Variants in NAV2 observed in about 807,000 individuals in gnomAD.
NAV2 encodes the protein neuron navigator 2, also known as helicase, APC down-regulated 1.
NAV2 carries 54 observed loss-of-function variants against 223.2 expected under a neutral mutation model. That is an observed-to-expected ratio of 0.24 (90% confidence interval 0.19 to 0.30). The LOEUF (loss-of-function observed/expected upper bound fraction) is 0.30, where lower values mean the gene tolerates loss of function less well. Ranked by LOEUF, NAV2 falls within the 10% of genes least tolerant of loss-of-function variation. NAV2 has a pLI of 1.00. For synonymous variants in NAV2, 1,279 were observed against 1,239.3 expected, an observed-to-expected ratio of 1.03 and a Z score of -0.67; for missense variants, 2,806 against 3,147.5, an observed-to-expected ratio of 0.89 and a Z score of 2.60.
intron 1 of NAV2, among the ~76,000 whole-genome samples, chr11:19,816,924 C>G (rs999244082): frequency 2.0e-5 from 3 of 152,090 alleles, no homozygotes; most frequent in Admixed American, 6.6e-5. Context: ...TCTGTGCCTT[C>G]GGTCACAGCC....
chr11:19,973,438 A>C (rs897743905), intron 10 of NAV2, among the ~76,000 whole-genome samples: 3 of 152,184 alleles, frequency 2.0e-5, no homozygotes. Context: ...GATGATTGGC[A>C]GGTGTGTTTC....
chr11:19,350,870 G>A lies in NAV2; in HGVS notation c.-83G>A. 3.0e-6 allele frequency: 4 copies of A among 1,344,640 alleles called. No homozygotes were observed. In the South Asian group the frequency reaches 3.8e-5, roughly 13 times the overall value. The allele number at this position is 1,344,640 out of a possible 1,614,324, so 83.3% of individuals were successfully genotyped here. On this transcript the variant is annotated 5_prime_UTR_variant, in exon 1 of 38. Coordinates refer to the NAV2 transcript ENST00000360655. The stretch of plus-strand genomic sequence containing the variant: ...CGGGAACTCTGTCTGGCTGTTGCAT[G>A]CATCACTTTTGTGTGGGTTATTTTG...
chr11:19,415,370 A>C (rs1850322560), intron 1 of NAV2, among the ~76,000 whole-genome samples: 1 of 152,218 alleles, frequency 6.6e-6, no homozygotes, highest in Non-Finnish European at 1.5e-5. Context: ...TCCTGAACAC[A>C]TACACCCTTC....
At chr11:19,484,240 C>T (rs2042372345) in intron 1 of NAV2, among the ~76,000 whole-genome samples, 1 of 152,218 alleles carries the variant, frequency 6.6e-6, no homozygotes, top group South Asian at 2.1e-4. Context: ...CACTGTGCTG[C>T]TTCCTATCTT....
intron 10 of NAV2, among the ~76,000 whole-genome samples, chr11:19,969,992 A>T (rs1455162715): frequency 6.6e-6 from 1 of 152,158 alleles, no homozygotes; most frequent in Non-Finnish European, 1.5e-5. Flanking sequence ...ACAGTAACTA[A>T]CAATAAAATA....
At chr11:19,943,011 G>A (rs137944300) in intron 8 of NAV2, among the ~76,000 whole-genome samples, 74 of 152,256 alleles carry the variant, frequency 4.9e-4, no homozygotes, top group Admixed American at 2.0e-3. Flanking sequence ...AATTTCTAAC[G>A]GAGGGTTAAG....
At chr11:19,741,641 A>T in intron 1 of NAV2, among the ~76,000 whole-genome samples, 1 of 146,930 alleles carries the variant, frequency 6.8e-6, no homozygotes, top group African/African-American at 2.5e-5. Flanking sequence ...TCTTTGTAAA[A>T]GTTGAATAAT....
intron 1 of NAV2, among the ~76,000 whole-genome samples, chr11:19,483,813 G>A (rs977802656): frequency 3.4e-4 from 51 of 152,174 alleles, no homozygotes; most frequent in African/African-American, 8.4e-4. Flanking sequence ...AATGCATCCC[G>A]CAAGGTTAAG....
intron 4 of NAV2, among the ~76,000 whole-genome samples, chr11:19,872,651 G>A (rs961434222): frequency 6.6e-6 from 1 of 152,226 alleles, no homozygotes; most frequent in Non-Finnish European, 1.5e-5. Flanking sequence ...CCAGTCTAAA[G>A]CTGGGTTTGC....
chr11:19,456,947 C>T (rs1851978713), intron 1 of NAV2, among the ~76,000 whole-genome samples: 1 of 152,240 alleles, frequency 6.6e-6, no homozygotes, highest in East Asian at 1.9e-4. Context: ...CATACTTGGA[C>T]ATGCCTTTTG....
chr11:19,672,555 G>T (rs1431483094), intron 1 of NAV2, among the ~76,000 whole-genome samples: 1 of 152,142 alleles, frequency 6.6e-6, no homozygotes, highest in Non-Finnish European at 1.5e-5. Flanking sequence ...AGGAGCCAGT[G>T]AGCCCCTGTA....
chr11:19,950,431 C>T (rs1461841008), intron 10 of NAV2, among the ~76,000 whole-genome samples: 1 of 152,254 alleles, frequency 6.6e-6, no homozygotes, highest in Non-Finnish European at 1.5e-5. Context: ...CAAGGGCTTG[C>T]AGCTATTAGG....
intron 19 of NAV2, among the ~76,000 whole-genome samples, chr11:20,057,937 A>G (rs2058465588): frequency 2.0e-5 from 3 of 152,242 alleles, no homozygotes; most frequent in Admixed American, 2.0e-4. Flanking sequence ...TCATGGTGAC[A>G]TGGAACTGAA....
At chr11:19,855,058 C>T (rs925600331) in intron 3 of NAV2, among the ~76,000 whole-genome samples, 16 of 152,146 alleles carry the variant, frequency 1.1e-4, no homozygotes, top group African/African-American at 3.4e-4. Context: ...TTAATAGCTG[C>T]GGCTTAGGAA....
In NAV2 at chr11:19,631,821, G is replaced by T. The variant is rs539261664; in HGVS notation, c.76-200663G>T. Among the ~76,000 whole-genome samples the T allele has an allele frequency of 7.2e-5, 11 of 152,360 alleles. No individual in the cohort carries two copies. The South Asian group carries it at 2.3e-3, about 32-fold the overall frequency. ...CTGGAGTTTGCAATCCGAGGGCAAG[G>T]ATTGCTCAGTGATTAGGAGCCTGTG... On this transcript the variant is annotated intron_variant, in intron 1 of 37. Transcript: ENST00000360655.
In NAV2 at chr11:19,964,492, C is replaced by CATTTTTTTTT. The variant is rs60424234; in HGVS notation, c.2645+15412_2645+15413insATTTTTTTTT. ...TATATACATTATCTCTTTTCATCCT[C>CATTTTTTTTT]TTTTTTTTTTTTTTTATGAGACAGG... On this transcript the variant is annotated intron_variant, in intron 10 of 37. Transcript: ENST00000349880. Among the ~76,000 whole-genome samples the CATTTTTTTTT allele has an allele frequency of 2.7e-5, 4 of 146,606 alleles. 2 individuals are homozygous for CATTTTTTTTT. Among genetic ancestry groups the CATTTTTTTTT allele is most frequent in the African/African-American group, 1.0e-4 (4 of 39,424 alleles).
chr11:19,380,731 C>G (rs929799092), intron 1 of NAV2: 20 of 152,274 alleles, frequency 1.3e-4, no homozygotes, highest in Admixed American at 1.3e-3. Context: ...TGCTGCTTCT[C>G]TGCTATGGTC....
chr11:19,546,344 TG>T (rs2044497738), intron 1 of NAV2, among the ~76,000 whole-genome samples: 2 of 152,090 alleles, frequency 1.3e-5, no homozygotes, highest in Admixed American at 1.3e-4. Context: ...GACAGACTGG[TG>T]GGGGTTCAGT....
chr11:19,588,250 G>C (rs2045956451), intron 1 of NAV2, among the ~76,000 whole-genome samples: 1 of 152,184 alleles, frequency 6.6e-6, no homozygotes, highest in African/African-American at 2.4e-5. Context: ...TCCTGAATTA[G>C]TTACTCATCC....
Sources: gnomAD v4.1 joint callset for allele counts (sites outside exome capture counted in the v4.1 genomes callset) on GRCh38, gnomAD v4.1.1 for gene constraint, MANE v1.5 for transcripts, NCBI Gene and HGNC (gene_info 2026-07-23, HGNC 2026-07-21) for gene names.